Variants in SDK2 observed in about 807,000 individuals in gnomAD.
The protein encoded by SDK2 is sidekick cell adhesion molecule 2.
SDK2 carries 105 observed loss-of-function variants against 253.9 expected under a neutral mutation model. The ratio of observed to expected loss-of-function variants is 0.41; its 90% CI spans 0.35 to 0.49. SDK2 has a LOEUF of 0.49. SDK2 is among the 20% of genes least tolerant of loss of function. SDK2 has a pLI of 0.06. For missense variants in SDK2, 2,608 were observed against 3,003.0 expected (o/e 0.87, Z 3.07); for synonymous variants, 1,249 against 1,234.9 (o/e 1.01, Z -0.24).
At chr17:73,475,004 G>A (rs921123342) in intron 2 of SDK2, among the ~76,000 whole-genome samples, 3 of 152,118 alleles carry the variant, frequency 2.0e-5, no homozygotes, top group African/African-American at 4.8e-5. Flanking sequence ...ACCCAGTGTC[G>A]GCAGGAGTGA....
At chr17:73,492,975 G>T (rs1226854891) in intron 2 of SDK2, among the ~76,000 whole-genome samples, 1 of 152,254 alleles carries the variant, frequency 6.6e-6, no homozygotes, top group African/African-American at 2.4e-5. Flanking sequence ...CCAAGGCCGG[G>T]CGCAGGAGGA....
chr17:73,473,108 A>T (rs1045525640), intron 2 of SDK2, among the ~76,000 whole-genome samples: 1 of 152,214 alleles, frequency 6.6e-6, no homozygotes, highest in Non-Finnish European at 1.5e-5. Context: ...CCTTCTGAAT[A>T]AGACAAGCTA....
At chr17:73,343,379 C>A (rs1472517068) in intron 44 of SDK2, among the ~76,000 whole-genome samples, 1 of 152,264 alleles carries the variant, frequency 6.6e-6, no homozygotes, top group Non-Finnish European at 1.5e-5. Flanking sequence ...GCTCCCGCCT[C>A]CATCTCCCTG....
intron 1 of SDK2, among the ~76,000 whole-genome samples, chr17:73,575,063 G>A (rs2045439931): frequency 6.6e-6 from 1 of 152,326 alleles, no homozygotes; most frequent in East Asian, 1.9e-4. Context: ...CTGTTAGTGG[G>A]AGGCTGGGCT....
chr17:73,353,243 G>A (rs2062554328), intron 40 of SDK2, among the ~76,000 whole-genome samples: 1 of 152,162 alleles, frequency 6.6e-6, no homozygotes, highest in South Asian at 2.1e-4. Flanking sequence ...TAGCACTTGT[G>A]CAAGCAGAAC....
chr17:73,445,552 G>A (rs532274809), intron 5 of SDK2, among the ~76,000 whole-genome samples: 1 of 152,246 alleles, frequency 6.6e-6, no homozygotes, highest in African/African-American at 2.4e-5. Flanking sequence ...ATAAAGAGGT[G>A]CAGAAAGCTG....
chr17:73,564,202 TTTAAG>T (rs1344728486), intron 1 of SDK2, among the ~76,000 whole-genome samples: 3 of 152,380 alleles, frequency 2.0e-5, no homozygotes, highest in East Asian at 1.9e-4. Flanking sequence ...CATATAGCTA[TTTAAG>T]TTAATTAAAA....
chr17:73,636,226 G>A (rs1489824411), intron 1 of SDK2, among the ~76,000 whole-genome samples: 2 of 152,112 alleles, frequency 1.3e-5, no homozygotes, highest in Non-Finnish European at 2.9e-5. Flanking sequence ...GTCTTGGGTG[G>A]TTAATCTCTC....
intron 36 of SDK2, among the ~76,000 whole-genome samples, chr17:73,373,930 C>A (rs1380067483): frequency 1.4e-5 from 2 of 145,834 alleles, no homozygotes; most frequent in Non-Finnish European, 2.9e-5. Flanking sequence ...AGCCACCGTG[C>A]CCAGCCTATG....
At position 73,399,194 on chromosome 17, in the gene SDK2, T is replaced by C; in HGVS notation, c.3067A>G (p.Ile1023Val). The change falls in exon 22 of 45, where the codon ATC becomes GTC. Residue 1023 changes from isoleucine to valine, a missense_variant. By Grantham distance (29) the Ile-to-Val change is conservative (BLOSUM62 3). This residue lies in a region of SDK2 where 1,505 missense variants were observed against 1,859.1 expected (regional missense o/e 0.81). Transcript: ENST00000392650. ...TGGGCTTCCACCAGCCAGCGGGAGA[T>C]GGAGGTTTTCCCATCGTAGCCTGGC... ...FRPGYDGKTS[I>V]SRWLVEAQVG... The C allele has an allele frequency of 2.5e-6, 4 of 1,613,818 alleles. No homozygotes were observed. The highest frequency in any genetic ancestry group is 3.4e-6 in the Non-Finnish European group (4 of 1,179,862).
Position 73,358,217 on chromosome 17 carries a change from C to T in SDK2, c.5468-13G>A, listed in dbSNP as rs143271650. ...GGTCCTGGGGCACCTGCAGACAGCA[C>T]ACAGAGGCGAGGGATGTATGGAACC... is the stretch of plus-strand genomic sequence containing the variant. On this transcript the variant is annotated splice_polypyrimidine_tract_variant and intron_variant, in intron 39 of 44. Transcript: ENST00000392650. 1 of 1,592,592 alleles carries T rather than the reference C, an allele frequency of 6.3e-7. No homozygotes were observed. The highest frequency in any genetic ancestry group is 1.1e-5 in the South Asian group (1 of 87,392).
chr17:73,518,845 A>C (rs762939836), intron 1 of SDK2: 3 of 152,220 alleles, frequency 2.0e-5, no homozygotes, highest in Non-Finnish European at 4.4e-5. Flanking sequence ...GCAGGACAGC[A>C]TGCTTGGAGC....
chr17:73,358,311 C>T, intron 39 of SDK2, 107 bp from the exon 40 acceptor site: 1 of 1,395,422 alleles, frequency 7.2e-7, no homozygotes, highest in Non-Finnish European at 9.6e-7. Flanking sequence ...CAACCCTGGA[C>T]AGAGAGCCGC....
intron 38 of SDK2, 58 bp downstream of exon 38, chr17:73,365,200 T>G: frequency 2.9e-6 from 4 of 1,377,816 alleles, no homozygotes; most frequent in Non-Finnish European, 3.9e-6. Flanking sequence ...GGCGCTGAGA[T>G]GAGAGCGAGC....
At chr17:73,596,654 C>T (rs1370071555) in intron 1 of SDK2, among the ~76,000 whole-genome samples, 2 of 152,126 alleles carry the variant, frequency 1.3e-5, no homozygotes. Flanking sequence ...ATGTTCCCCC[C>T]ACCCCCAGAA....
intron 40 of SDK2, among the ~76,000 whole-genome samples, chr17:73,353,162 T>C (rs1599475536): frequency 6.6e-6 from 1 of 151,976 alleles, no homozygotes; most frequent in African/African-American, 2.4e-5. Flanking sequence ...CATTAAAAGA[T>C]ACGTACTGTG....
intron 36 of SDK2, among the ~76,000 whole-genome samples, chr17:73,374,665 G>A (rs8065747): frequency 0.082 from 11,388 of 139,252 alleles, 1,006 homozygotes; most frequent in East Asian, 0.21. Flanking sequence ...ATGCGGTTTC[G>A]TCATGTTGGC....
chr17:73,607,329 T>G (rs2045919815), intron 1 of SDK2, among the ~76,000 whole-genome samples: 1 of 152,162 alleles, frequency 6.6e-6, no homozygotes, highest in Admixed American at 6.5e-5. Context: ...GGCACATATC[T>G]TAGCTGGGAC....
At position 73,430,552 on chromosome 17, in the gene SDK2, G is replaced by A. The variant is rs769819217; in HGVS notation, c.1542C>T (p.Ser514=). The change falls in exon 12 of 45, where the codon TCC becomes TCT. Residue 514 remains serine (S), a synonymous_variant. Coordinates refer to ENST00000392650, the MANE Select transcript of SDK2 (RefSeq NM_001144952.2). ...DQSVIKGTQA[S]MVCGVTHDPR... ...GGTCGTGGGTCACTCCGCACACCAT[G>A]GAGGCCTGGGTGCCCTTGATGACAC... 7 of 1,605,286 alleles carry A rather than the reference G, an allele frequency of 4.4e-6. No homozygotes were observed. In the South Asian group the frequency reaches 7.8e-5, roughly 18 times the overall value.
Sources: gnomAD v4.1 joint callset for allele counts (sites outside exome capture counted in the v4.1 genomes callset) on GRCh38, gnomAD v4.1.1 for gene constraint, gnomAD v4.1.1 regional missense constraint, MANE v1.5 for transcripts, NCBI Gene and HGNC (gene_info 2026-07-23, HGNC 2026-07-21) for gene names.